The following TMEM150C variants were observed in gnomAD, a reference collection of about 807,000 sequenced individuals.
TMEM150C encodes transmembrane protein 150C.
In TMEM150C, 10 loss-of-function variants were observed where a neutral mutation model predicts 29.9. The observed-to-expected ratio is 0.33, with a 90% CI of 0.21 to 0.57. The LOEUF is 0.57. Among genes scored for constraint, TMEM150C ranks in the 20% least tolerant of loss-of-function variants. The probability of loss-of-function intolerance (pLI) is 0.88; values close to 1 mark genes in which losing one functional copy is unlikely to be tolerated. For synonymous variants in TMEM150C, 101 were observed against 112.5 expected (o/e 0.90, Z 0.64); for missense variants, 251 against 303.6 (o/e 0.83, Z 1.29).
chr4:82,529,374 G>A (rs1252662929), intron 1 of TMEM150C, among the ~76,000 whole-genome samples: 2 of 151,040 alleles, frequency 1.3e-5, no homozygotes, highest in African/African-American at 4.9e-5. Flanking sequence ...CTCCAGCCTC[G>A]ACTTCCTGGG....
intron 6 of TMEM150C, among the ~76,000 whole-genome samples, chr4:82,493,713 CAGG>C (rs1723447942): frequency 6.6e-6 from 1 of 152,210 alleles, no homozygotes; most frequent in African/African-American, 2.4e-5. Flanking sequence ...ACCCTCAGCA[CAGG>C]CCAGCAAGTA....
chr4:82,540,375 A>G (rs1483932414), intron 1 of TMEM150C, among the ~76,000 whole-genome samples: 1 of 151,496 alleles, frequency 6.6e-6, no homozygotes, highest in Non-Finnish European at 1.5e-5. Context: ...TCAGCCTCCT[A>G]AAGTGCGGGG....
At chr4:82,561,553 C>G (rs1382371100) in intron 1 of TMEM150C, among the ~76,000 whole-genome samples, 1 of 147,732 alleles carries the variant, frequency 6.8e-6, no homozygotes, top group Non-Finnish European at 1.5e-5. Flanking sequence ...AGGACGGGGC[C>G]GGGGCCGGGG....
intron 1 of TMEM150C, among the ~76,000 whole-genome samples, chr4:82,547,818 G>A (rs189334255): frequency 1.6e-4 from 24 of 152,288 alleles, no homozygotes; most frequent in Non-Finnish European, 1.9e-4. Flanking sequence ...ACTTGAAACA[G>A]AACTACCATT....
chr4:82,511,568 C>A (rs1391585368), intron 1 of TMEM150C, among the ~76,000 whole-genome samples: 1 of 146,394 alleles, frequency 6.8e-6, no homozygotes, highest in Non-Finnish European at 1.5e-5. Flanking sequence ...TCAATCTCCC[C>A]AGGTTCAGGT....
At chr4:82,526,330 T>A (rs1430179697) in intron 1 of TMEM150C, among the ~76,000 whole-genome samples, 1 of 152,224 alleles carries the variant, frequency 6.6e-6, no homozygotes, top group Non-Finnish European at 1.5e-5. Flanking sequence ...CTTCTGGCAG[T>A]CAGTGCTAGA....
intron 6 of TMEM150C, 81 bp from the exon 7 acceptor site, chr4:82,490,319 G>A (rs1176936039): frequency 3.5e-6 from 4 of 1,135,818 alleles, no homozygotes; most frequent in Admixed American, 4.1e-5. Flanking sequence ...ATATATGAGG[G>A]GAAAAGATAG....
chr4:82,523,947 G>T (rs2110079758), intron 1 of TMEM150C, among the ~76,000 whole-genome samples: 1 of 151,562 alleles, frequency 6.6e-6, no homozygotes, highest in East Asian at 2.0e-4. Flanking sequence ...CTCCCAAAAT[G>T]TTGGGATTAC....
At position 82,542,024 on chromosome 4, in the gene TMEM150C, G is replaced by A. The variant is rs62311411; in HGVS notation, c.-11+19882C>T. ...TATTGATTTATTTTTTTACTTACAC[G>A]TACAAAACAAGGACAGTTTTCCTAA... On this transcript the variant is annotated intron_variant, in intron 1 of 7. Transcript: ENST00000449862. Among the ~76,000 whole-genome samples the A allele has an allele frequency of 9.2e-3, 1,393 of 152,138 alleles. 13 individuals are homozygous for A. The highest frequency in any genetic ancestry group is 0.034 in the Middle Eastern group (10 of 294).
Position 82,496,200 on chromosome 4 carries a change from G to A in TMEM150C, c.236-5C>T, listed in dbSNP as rs767494688. ...GCAGAACAGCTACCACAAGGGCTAG[G>A]AATAAAGCAAAGTCTTAAAATGGAA... On this transcript the variant is annotated splice_region_variant and splice_polypyrimidine_tract_variant and intron_variant, in intron 5 of 7. Transcript: ENST00000449862. 1 of 1,613,236 alleles carries A rather than the reference G, an allele frequency of 6.2e-7. No individual in the cohort carries two copies. Among genetic ancestry groups the A allele is most frequent in the East Asian group, 2.2e-5 (1 of 44,868 alleles).
intron 6 of TMEM150C, among the ~76,000 whole-genome samples, chr4:82,492,864 G>GTATATATATATATATA (rs58169287): frequency 0.015 from 1,318 of 90,066 alleles, 41 homozygotes; most frequent in Non-Finnish European, 0.022. Flanking sequence ...ATATGTTTGT[G>GTATATATATATATATA]TATATATATA....
intron 1 of TMEM150C, among the ~76,000 whole-genome samples, chr4:82,535,808 G>A (rs1178198824): frequency 2.6e-5 from 4 of 152,132 alleles, no homozygotes; most frequent in Non-Finnish European, 1.5e-5. Context: ...TTTAAAATAG[G>A]GTTTCTCAGC....
At chr4:82,519,613 G>A (rs1724418842) in intron 1 of TMEM150C, among the ~76,000 whole-genome samples, 1 of 151,998 alleles carries the variant, frequency 6.6e-6, no homozygotes, top group Admixed American at 6.6e-5. Flanking sequence ...TTTTAGTAGA[G>A]ATGGGGTTTT....
intron 1 of TMEM150C, among the ~76,000 whole-genome samples, chr4:82,551,095 A>G (rs1359357315): frequency 6.6e-6 from 1 of 152,190 alleles, no homozygotes; most frequent in African/African-American, 2.4e-5. Flanking sequence ...ACAGGAAGAC[A>G]TGGAGCCAGA....
At chr4:82,507,727 CTTTTTTTTTTTTTTTTTTTTT>C (rs869112887) in intron 1 of TMEM150C, among the ~76,000 whole-genome samples, 20 of 20,592 alleles carry the variant, frequency 9.7e-4, no homozygotes, top group African/African-American at 6.2e-4. Flanking sequence ...CTCTCTCTCT[CTTTTTTTTTTTTTTTTTTTTT>C]TTTTTTTTTT....
chr4:82,492,542 G>A lies in TMEM150C; in HGVS notation c.364-2304C>T, dbSNP rs188605737. On this transcript the variant is annotated intron_variant, in intron 6 of 7. Coordinates refer to ENST00000449862, the MANE Select transcript of TMEM150C (RefSeq NM_001080506.3). ...GACCCATAGTAGGACAACAGTACTT[G>A]AAGATTCATACTCAAGGCTTTTATA... 2.3e-3 allele frequency among the ~76,000 whole-genome samples: 357 copies of A among 152,122 alleles called. 1 individual carries two copies. Among genetic ancestry groups the A allele is most frequent in the Non-Finnish European group, 1.9e-3 (131 of 67,998 alleles).
At chr4:82,527,836 C>T (rs75480697) in intron 1 of TMEM150C, among the ~76,000 whole-genome samples, 8 of 152,164 alleles carry the variant, frequency 5.3e-5, no homozygotes, top group Middle Eastern at 3.4e-3. Flanking sequence ...TAGATATAAA[C>T]GGGTTGAAAG....
At chr4:82,559,359 A>G (rs1199506072) in intron 1 of TMEM150C, among the ~76,000 whole-genome samples, 3 of 151,592 alleles carry the variant, frequency 2.0e-5, no homozygotes, top group Non-Finnish European at 2.9e-5. Context: ...AGCCTGATCA[A>G]CATGGTAAAA....
chr4:82,553,959 A>C, intron 1 of TMEM150C, among the ~76,000 whole-genome samples: 1 of 152,234 alleles, frequency 6.6e-6, no homozygotes, highest in East Asian at 1.9e-4. Context: ...TGAAATTAAA[A>C]TGGGGAAACA....
Sources: gnomAD v4.1 joint callset for allele counts (sites outside exome capture counted in the v4.1 genomes callset) on GRCh38, gnomAD v4.1.1 for gene constraint, MANE v1.5 for transcripts, NCBI Gene and HGNC (gene_info 2026-07-23, HGNC 2026-07-21) for gene names.